Variants in MICAL2 observed in about 807,000 individuals in gnomAD.
The protein encoded by MICAL2 is microtubule associated monooxygenase, calponin and LIM domain containing 2.
MICAL2 carries 77 observed loss-of-function variants against 127.3 expected under a neutral mutation model. The observed-to-expected ratio is 0.60, with a 90% CI of 0.50 to 0.73. The LOEUF (loss-of-function observed/expected upper bound fraction) is 0.73, where lower values mean the gene tolerates loss of function less well. Ranked by LOEUF, MICAL2 falls within the 30% of genes least tolerant of loss-of-function variation. The probability of loss-of-function intolerance (pLI) is 0.00; values close to 1 mark genes in which losing one functional copy is unlikely to be tolerated. For synonymous variants in MICAL2, 570 were observed against 551.1 expected (o/e 1.03, Z -0.48); for missense variants, 1,351 against 1,434.4 (o/e 0.94, Z 0.94).
At chr11:12,273,066 C>G (rs1863689809), upstream of MICAL2, among the ~76,000 whole-genome samples, 2 of 152,192 alleles carry the variant, frequency 1.3e-5, no homozygotes, top group African/African-American at 4.8e-5. Flanking sequence ...ACTTTCCAGC[C>G]AAAACTCCCA....
intron 18 of MICAL2, among the ~76,000 whole-genome samples, chr11:12,241,529 G>T (rs1043996455): frequency 1.3e-5 from 2 of 152,222 alleles, no homozygotes. Flanking sequence ...GTTGGAATGG[G>T]CCCAGGTGGC....
chr11:12,204,565 G>A, intron 4 of MICAL2, 108 bp downstream of exon 4: 1 of 1,109,370 alleles, frequency 9.0e-7, no homozygotes, highest in Non-Finnish European at 1.3e-6. Context: ...TAGTCCCTGG[G>A]GGCACCATAT....
At chr11:12,175,721 C>T (rs1298000231) in intron 3 of MICAL2, among the ~76,000 whole-genome samples, 3 of 151,958 alleles carry the variant, frequency 2.0e-5, no homozygotes, top group African/African-American at 7.3e-5. Flanking sequence ...GACATTTGAG[C>T]AGAGACCTAA....
At chr11:12,294,016 T>A, downstream of MICAL2, 2 of 1,614,148 alleles carry the variant, frequency 1.2e-6, no homozygotes, top group Non-Finnish European at 1.7e-6. Context: ...TGGATTGGAA[T>A]GACTCCATCC....
chr11:12,111,688 T>C (rs1038902273), intron 1 of MICAL2, among the ~76,000 whole-genome samples: 3 of 152,240 alleles, frequency 2.0e-5, no homozygotes, highest in African/African-American at 7.2e-5. Flanking sequence ...CTTGCTGTGA[T>C]TGTCGCCTGT....
chr11:12,238,221 T>C (rs1288250655), intron 16 of MICAL2, among the ~76,000 whole-genome samples: 1 of 152,232 alleles, frequency 6.6e-6, no homozygotes, highest in Non-Finnish European at 1.5e-5. Context: ...GAAAACTTAC[T>C]GCCCACTTGC....
chr11:12,226,080 C>T (rs1489628730), intron 13 of MICAL2, 91 bp from the exon 14 acceptor site: 2 of 1,250,552 alleles, frequency 1.6e-6, no homozygotes, highest in East Asian at 2.3e-5. Flanking sequence ...CAGAGTGTCA[C>T]CCTCAGTGCT....
intron 1 of MICAL2, among the ~76,000 whole-genome samples, chr11:12,123,337 T>C (rs922829035): frequency 7.4e-4 from 113 of 152,292 alleles, no homozygotes; most frequent in Middle Eastern, 3.4e-3. Flanking sequence ...ATGTCCATGG[T>C]TTTCTGACTC....
intron 2 of MICAL2, among the ~76,000 whole-genome samples, chr11:12,145,184 T>A (rs2133665740): frequency 6.6e-6 from 1 of 152,272 alleles, no homozygotes. Context: ...GTTGAATGAA[T>A]GACCAGCAAG....
At chr11:12,131,846 G>T (rs1258934186) in intron 1 of MICAL2, among the ~76,000 whole-genome samples, 1 of 152,208 alleles carries the variant, frequency 6.6e-6, no homozygotes, top group Admixed American at 6.5e-5. Context: ...AGCCTACTCA[G>T]AGGGAAGTTG....
At chr11:12,177,200 T>C (rs1044846922) in intron 3 of MICAL2, among the ~76,000 whole-genome samples, 1 of 152,170 alleles carries the variant, frequency 6.6e-6, no homozygotes, top group Non-Finnish European at 1.5e-5. Flanking sequence ...TCCTAATGGG[T>C]GTGAGGTGGC....
At chr11:12,147,742 G>A (rs1853095336) in intron 2 of MICAL2, among the ~76,000 whole-genome samples, 1 of 152,210 alleles carries the variant, frequency 6.6e-6, no homozygotes, top group Non-Finnish European at 1.5e-5. Context: ...CAAGGCCCCA[G>A]TCACAATATA....
chr11:12,254,910 AC>A (rs145526133), intron 22 of MICAL2: 1 of 112,328 alleles, frequency 8.9e-6, no homozygotes. Flanking sequence ...TACCACCTTA[AC>A]TTTTTTTTTT....
In MICAL2 at chr11:12,212,324, T is replaced by C. The variant is rs560201787; in HGVS notation, c.692-931T>C. ...GTCTCCACAAACACTTAAAAAAAAA[T>C]AAATAAGGCAGTCATGGTGACACAT... On this transcript the variant is annotated intron_variant, in intron 6 of 27. Coordinates refer to ENST00000683283, the MANE Select transcript of MICAL2 (RefSeq NM_001282663.2). 1.4e-4 allele frequency among the ~76,000 whole-genome samples: 21 copies of C among 151,874 alleles called. No individual in the cohort carries two copies. The East Asian group carries it at 2.3e-3, about 17-fold the overall frequency.
In MICAL2 at chr11:12,207,399, G is replaced by C. The variant is rs182460465; in HGVS notation, c.473-624G>C. On this transcript the variant is annotated intron_variant, in intron 4 of 27. Coordinates refer to ENST00000683283, the MANE Select transcript of MICAL2 (RefSeq NM_001282663.2). Reference sequence around the variant, plus strand: ...TTAAAACTTCTCACTCTACAGAAAAGTATTTGGAGGCATACGCATTTGTGC... The same window carrying C: ...TTAAAACTTCTCACTCTACAGAAAACTATTTGGAGGCATACGCATTTGTGC... 6.6e-5 allele frequency among the ~76,000 whole-genome samples: 10 copies of C among 152,350 alleles called. No homozygotes were observed. In the East Asian group the frequency reaches 1.9e-3, roughly 29 times the overall value.
chr11:12,165,587 T>C (rs1383539144), intron 3 of MICAL2, among the ~76,000 whole-genome samples: 1 of 152,218 alleles, frequency 6.6e-6, no homozygotes, highest in East Asian at 1.9e-4. Context: ...AACCCCGACC[T>C]TTGTGCTAAA....
At chr11:12,200,872 G>A (rs926467404) in intron 3 of MICAL2, among the ~76,000 whole-genome samples, 2 of 152,230 alleles carry the variant, frequency 1.3e-5, no homozygotes, top group African/African-American at 4.8e-5. Context: ...CGGGCCTGGT[G>A]GACAGAAGGA....
At chr11:12,208,732 G>A (rs577829599) in intron 5 of MICAL2, among the ~76,000 whole-genome samples, 5 of 152,352 alleles carry the variant, frequency 3.3e-5, no homozygotes, top group South Asian at 2.1e-4. Flanking sequence ...TGGTCAGAGA[G>A]TTTATTCAGG....
intron 8 of MICAL2, among the ~76,000 whole-genome samples, chr11:12,218,262 C>G (rs1445407529): frequency 6.6e-6 from 1 of 152,210 alleles, no homozygotes; most frequent in Admixed American, 6.5e-5. Context: ...CAGAGCCTCC[C>G]TGGGCCCCTG....
Sources: allele counts gnomAD v4.1 joint callset (sites outside exome capture counted in the v4.1 genomes callset), GRCh38; gene constraint gnomAD v4.1.1; transcripts MANE v1.5; gene names NCBI Gene and HGNC (gene_info 2026-07-23, HGNC 2026-07-21).